Variants in SPMAP2L observed in about 807,000 individuals in gnomAD.
The protein encoded by SPMAP2L is sperm microtubule associated protein 2-like.
the SPMAP2L span, chr4:56,593,770 C>T: frequency 1.9e-6 from 3 of 1,579,736 alleles, no homozygotes; most frequent in East Asian, 6.7e-5. Flanking sequence ...GGGAGCAACA[C>T]ACTGAGAGAG....
the SPMAP2L span, among the ~76,000 whole-genome samples, chr4:56,559,007 C>T: frequency 6.6e-6 from 1 of 151,880 alleles, no homozygotes; most frequent in Non-Finnish European, 1.5e-5. Context: ...GATATTGGCT[C>T]ACTGCAGCCT....
chr4:56,605,786 A>C, the SPMAP2L span, among the ~76,000 whole-genome samples: 1 of 152,180 alleles, frequency 6.6e-6, no homozygotes, highest in African/African-American at 2.4e-5. Flanking sequence ...CAACGTATGA[A>C]GTTCCCAGGA....
the SPMAP2L span, among the ~76,000 whole-genome samples, chr4:56,559,210 A>G: frequency 6.7e-6 from 1 of 150,072 alleles, no homozygotes; most frequent in Non-Finnish European, 1.5e-5. Flanking sequence ...CTGAGGCAGG[A>G]GAAGCACTTG....
the SPMAP2L span, among the ~76,000 whole-genome samples, chr4:56,588,227 A>G: frequency 6.6e-6 from 1 of 152,048 alleles, no homozygotes; most frequent in Non-Finnish European, 1.5e-5. Flanking sequence ...CCTTTGTCAG[A>G]TGTATGGATT....
At chr4:56,619,862 C>G in the SPMAP2L span, among the ~76,000 whole-genome samples, 1 of 150,950 alleles carries the variant, frequency 6.6e-6, no homozygotes, top group Non-Finnish European at 1.5e-5. Flanking sequence ...TCCTACAACT[C>G]AATACTAAAA....
the SPMAP2L span, among the ~76,000 whole-genome samples, chr4:56,541,497 T>G: frequency 6.6e-6 from 1 of 152,152 alleles, no homozygotes; most frequent in Non-Finnish European, 1.5e-5. Context: ...TTATTTGAGA[T>G]AGAAAAACGT....
the SPMAP2L span, among the ~76,000 whole-genome samples, chr4:56,614,101 C>T: frequency 3.3e-5 from 5 of 151,980 alleles, no homozygotes; most frequent in Non-Finnish European, 5.9e-5. Flanking sequence ...TCGAGGGGTC[C>T]GGTCTAGGAC....
At chr4:56,597,681 T>C in the SPMAP2L span, among the ~76,000 whole-genome samples, 9 of 152,194 alleles carry the variant, frequency 5.9e-5, no homozygotes, top group African/African-American at 2.2e-4. Context: ...CTTTCCTTAA[T>C]TGCTAGGATT....
At chr4:56,594,379 A>G in the SPMAP2L span, 22 of 1,577,248 alleles carry the variant, frequency 1.4e-5, no homozygotes, top group Middle Eastern at 1.7e-4. Flanking sequence ...TCACATGGAA[A>G]GAATTTGCAA....
At chr4:56,600,877 A>G in the SPMAP2L span, 1 of 1,474,638 alleles carries the variant, frequency 6.8e-7, no homozygotes, top group Admixed American at 2.1e-5. Flanking sequence ...ATAGCTATAG[A>G]CATAGAGAAA....
the SPMAP2L span, among the ~76,000 whole-genome samples, chr4:56,623,753 T>G: frequency 6.6e-6 from 1 of 152,192 alleles, no homozygotes. Flanking sequence ...ATGTAAGAAG[T>G]GCCTTTCACC....
the SPMAP2L span, among the ~76,000 whole-genome samples, chr4:56,587,419 C>T: frequency 1.3e-5 from 2 of 151,998 alleles, no homozygotes; most frequent in African/African-American, 2.4e-5. Flanking sequence ...ACCCATCACC[C>T]AAGCAGTCTA....
the SPMAP2L span, chr4:56,548,963 CCTTTTCTTTCTTTT>C: frequency 3.4e-5 from 15 of 436,574 alleles, no homozygotes; most frequent in African/African-American, 1.4e-4. Flanking sequence ...GTCATAAGGT[CCTTTTCTTTCTTTT>C]CTTTTCTTTC....
chr4:56,608,017 A>C, the SPMAP2L span, among the ~76,000 whole-genome samples: 2 of 151,398 alleles, frequency 1.3e-5, no homozygotes, highest in Non-Finnish European at 2.9e-5. Context: ...AAAAAAAGAA[A>C]GAAAGAAAAG....
At chr4:56,594,295 T>A in the SPMAP2L span, 3 of 1,549,360 alleles carry the variant, frequency 1.9e-6, no homozygotes, top group African/African-American at 4.1e-5. Context: ...ATAAAGACAT[T>A]TCCCTTGTTC....
chr4:56,549,618 T>C, the SPMAP2L span, among the ~76,000 whole-genome samples: 3 of 152,240 alleles, frequency 2.0e-5, no homozygotes, highest in African/African-American at 7.2e-5. Context: ...GGAGACAGAA[T>C]ACAGGTTGAG....
chr4:56,540,543 A>C, the SPMAP2L span, among the ~76,000 whole-genome samples: 17 of 152,138 alleles, frequency 1.1e-4, no homozygotes, highest in Non-Finnish European at 1.8e-4. Context: ...ACTCTGTCTC[A>C]AAACAAAACA....
the SPMAP2L span, among the ~76,000 whole-genome samples, chr4:56,543,647 G>A: frequency 0.11 from 16,200 of 151,864 alleles, 949 homozygotes; most frequent in East Asian, 0.2. Flanking sequence ...AGCCAATTGC[G>A]CCACTGCACT....
the SPMAP2L span, among the ~76,000 whole-genome samples, chr4:56,553,544 G>C: frequency 1.3e-5 from 2 of 151,004 alleles, no homozygotes; most frequent in East Asian, 3.9e-4. Flanking sequence ...TTTTAGAGCA[G>C]TTTTGGGTTT....
Sources: allele counts gnomAD v4.1 joint callset (sites outside exome capture counted in the v4.1 genomes callset), GRCh38; gene constraint gnomAD v4.1.1; transcripts MANE v1.5; gene names NCBI Gene and HGNC (gene_info 2026-07-23, HGNC 2026-07-21).